The following HSPG2 variants were observed in gnomAD, a reference collection of about 807,000 sequenced individuals.
HSPG2 encodes heparan sulfate proteoglycan 2.
A neutral mutation model predicts 526.6 loss-of-function variants in HSPG2; 278 were observed. The ratio of observed to expected loss-of-function variants is 0.53; its 90% CI spans 0.48 to 0.58. The LOEUF (loss-of-function observed/expected upper bound fraction) is 0.58, where lower values mean the gene tolerates loss of function less well. Among genes scored for constraint, HSPG2 ranks in the 20% least tolerant of loss-of-function variants. The pLI is 0.00. For missense variants in HSPG2, 5,354 were observed against 6,099.5 expected (o/e 0.88, Z 4.07); for synonymous variants, 2,465 against 2,555.4 (o/e 0.96, Z 1.07).
At chr1:21,892,647 G>A (rs1182577417) in intron 3 of HSPG2, among the ~76,000 whole-genome samples, 3 of 152,172 alleles carry the variant, frequency 2.0e-5, no homozygotes, top group Admixed American at 6.5e-5. Context: ...GGCCGAGGCC[G>A]GCAGATCACT....
chr1:21,876,464 A>C (rs1367021875), intron 22 of HSPG2, 48 bp downstream of exon 22: 2 of 1,612,922 alleles, frequency 1.2e-6, no homozygotes, highest in Admixed American at 1.7e-5. Flanking sequence ...CGCTTGGTCC[A>C]TCCGGCCCAG....
chr1:21,905,021 TGA>T, intron 1 of HSPG2, among the ~76,000 whole-genome samples: 1 of 152,260 alleles, frequency 6.6e-6, no homozygotes, highest in Middle Eastern at 3.4e-3. Flanking sequence ...TATGTTGCCA[TGA>T]GACACCACTA....
Position 21,838,901 on chromosome 1 carries a change from C to T in HSPG2, c.10074G>A (p.Glu3358=). Residue 3358 remains glutamate, a synonymous_variant, in exon 74 of 97, where the codon GAG becomes GAA. Coordinates refer to ENST00000374695, the MANE Select transcript of HSPG2 (RefSeq NM_005529.7). ...CCCGGCAGCGGTAGCGGCCTGAGTC[C>T]TCAGGGGCTGCACGCTCAAAGTGCA... The part of the protein sequence containing the change: ...ELLHFERAAP[E]DSGRYRCRVT... 6.2e-7 allele frequency: 1 copy of T among 1,612,498 alleles called. No homozygotes were observed. Among genetic ancestry groups the T allele is most frequent in the Non-Finnish European group, 8.5e-7 (1 of 1,179,482 alleles).
Position 21,822,408 on chromosome 1 carries a change from A to C in HSPG2, c.*908T>G, listed in dbSNP as rs942295193. Reference sequence around the variant, plus strand: ...CTCCTGCAGATGGGGCAGGGTGGTCATATCCCCCTCCTCTCTCTCTCAGTC... The same window carrying C: ...CTCCTGCAGATGGGGCAGGGTGGTCCTATCCCCCTCCTCTCTCTCTCAGTC... On this transcript the variant is annotated 3_prime_UTR_variant, in exon 97 of 97. Coordinates refer to ENST00000374695, the MANE Select transcript of HSPG2 (RefSeq NM_005529.7). The C allele has an allele frequency of 1.5e-5, 9 of 616,864 alleles. No individual in the cohort carries two copies. The highest frequency in any genetic ancestry group is 2.6e-5 in the Non-Finnish European group (9 of 344,052). The allele number at this position is 616,864 out of a possible 1,614,324, so 38.2% of individuals were successfully genotyped here.
At chr1:21,869,622 C>T in intron 33 of HSPG2, 2 of 986,030 alleles carry the variant, frequency 2.0e-6, no homozygotes, top group Non-Finnish European at 2.4e-6. Flanking sequence ...TGGACAGGAG[C>T]TGCCAGATCT....
chr1:21,873,570 G>T, intron 29 of HSPG2, 146 bp from the exon 30 acceptor site: 1 of 831,978 alleles, frequency 1.2e-6, no homozygotes, highest in South Asian at 1.4e-5. Context: ...GGGAAACTGG[G>T]CAGAGAAGAG....
At chr1:21,830,181 G>C in intron 85 of HSPG2, 90 bp from the exon 86 acceptor site, 4 of 1,085,188 alleles carry the variant, frequency 3.7e-6, no homozygotes, top group Non-Finnish European at 5.4e-6. Flanking sequence ...TCACACCCCG[G>C]GGGGCTGGGC....
At position 21,831,807 on chromosome 1, in the gene HSPG2, G is replaced by A. The variant is rs567131782; in HGVS notation, c.11208-11C>T. ...GAGCCTGCATCGAACCTGCTCCGTGGGGCAGGCCGGGGCAGGAGAGAGTGG... is the reference window on the plus strand; with the variant it reads ...GAGCCTGCATCGAACCTGCTCCGTGAGGCAGGCCGGGGCAGGAGAGAGTGG... On this transcript the variant is annotated splice_polypyrimidine_tract_variant and intron_variant, in intron 81 of 96. Transcript: ENST00000374695. 2 of 1,588,620 alleles carry A rather than the reference G, an allele frequency of 1.3e-6. No homozygotes were observed. The highest frequency in any genetic ancestry group is 2.3e-5 in the South Asian group (2 of 87,126).
intron 48 of HSPG2, 23 bp from the exon 49 acceptor site, chr1:21,854,788 C>G: frequency 6.2e-7 from 1 of 1,613,042 alleles, no homozygotes; most frequent in Non-Finnish European, 8.5e-7. Flanking sequence ...TAGGGGTCAG[C>G]AGGCCCCAGG....
At chr1:21,884,741 C>G (rs754735678) in intron 12 of HSPG2, 26 bp downstream of exon 12, 1 of 1,612,468 alleles carries the variant, frequency 6.2e-7, no homozygotes, top group Non-Finnish European at 8.5e-7. Context: ...CCCCCACACC[C>G]GGTGACACCT....
chr1:21,854,078 G>A, intron 50 of HSPG2, 115 bp downstream of exon 50: 1 of 1,190,912 alleles, frequency 8.4e-7, no homozygotes, highest in Non-Finnish European at 1.2e-6. Flanking sequence ...AGGCGCTGAA[G>A]GGTCAAAGCC....
chr1:21,841,726 GTCTTGGTGCTGCCAGCCTGTGCCC>G, intron 69 of HSPG2, 53 bp from the exon 70 acceptor site: 3 of 1,607,498 alleles, frequency 1.9e-6, no homozygotes, highest in Non-Finnish European at 8.5e-7. Flanking sequence ...TCCTTCTCGT[GTCTTGGTGCTGCCAGCCTGTGCCC>G]CTGGGCCCAC....
In HSPG2 at chr1:21,904,493, C is replaced by T. The variant is rs745384626; in HGVS notation, c.64-8183G>A. The stretch of plus-strand genomic sequence containing the variant: ...CCGCCCCTCAGTTGTGCTGCTGACC[C>T]GGTGCTAGTCACAGAGGCCAAGTCT... On this transcript the variant is annotated intron_variant, in intron 1 of 96. Transcript: ENST00000374695. This position sits in a 1 kb window ranked among gnomAD's most constrained non-coding sequence, Gnocchi z 4.4. 5.9e-5 allele frequency among the ~76,000 whole-genome samples: 9 copies of T among 152,254 alleles called. No individual in the cohort carries two copies. The highest frequency in any genetic ancestry group is 2.1e-4 in the South Asian group (1 of 4,822).
At chr1:21,877,398 T>C (rs1641161760) in intron 21 of HSPG2, 2 of 152,842 alleles carry the variant, frequency 1.3e-5, no homozygotes, top group South Asian at 4.1e-4. Flanking sequence ...TTGCACAAAG[T>C]TACTCAGCTT....
At chr1:21,845,995 A>T in intron 64 of HSPG2, 113 bp downstream of exon 64, 1 of 1,294,484 alleles carries the variant, frequency 7.7e-7, no homozygotes, top group Non-Finnish European at 1.1e-6. Context: ...CTGGAATCAG[A>T]GCGGCAGTTC....
Position 21,851,612 on chromosome 1 carries a change from C to A in HSPG2, c.7092G>T (p.Val2364=). The change falls in exon 55 of 97, where the codon GTG becomes GTT. Residue 2364 remains valine, a synonymous_variant. Coordinates refer to ENST00000374695, the MANE Select transcript of HSPG2 (RefSeq NM_005529.7). ...TGACCTGGGCATGGGACTGCCCGGG[C>A]ACCACGCAGTTCAGATCCAGGGTCT... ...EGQTLDLNCV[V]PGQSHAQVTW... 3 of 1,613,982 alleles carry A rather than the reference C, an allele frequency of 1.9e-6. No individual in the cohort carries two copies. Among genetic ancestry groups the A allele is most frequent in the Non-Finnish European group, 2.5e-6 (3 of 1,180,034 alleles).
chr1:21,838,330 T>C (rs755299010), intron 74 of HSPG2, among the ~76,000 whole-genome samples: 1 of 152,136 alleles, frequency 6.6e-6, no homozygotes, highest in African/African-American at 2.4e-5. Context: ...ATTTGTATCA[T>C]TGATGCAGGA....
intron 85 of HSPG2, 109 bp downstream of exon 85, chr1:21,830,873 T>G (rs2098000676): frequency 1.4e-6 from 1 of 711,656 alleles, no homozygotes; most frequent in Non-Finnish European, 2.5e-6. Context: ...CAGGTGAGAG[T>G]GGGGGGTGTG....
At position 21,849,030 on chromosome 1, in the gene HSPG2, ACCTGGGAGGGT is replaced by A; in HGVS notation, c.7447-10_7447del. On this transcript the variant is annotated splice_acceptor_variant and splice_polypyrimidine_tract_variant and coding_sequence_variant and intron_variant, in exon 58 of 97. Transcript: ENST00000374695. LOFTEE classifies it high-confidence loss of function. Reference sequence around the variant, plus strand: ...GAGCAGGCGTAGCCTCGAGCCATGCACCTGGGAGGGTCAGGAGGGAGGAGGCAGGCTCAGAG... The same window carrying A: ...GAGCAGGCGTAGCCTCGAGCCATGCACAGGAGGGAGGAGGCAGGCTCAGAG... 6.2e-7 allele frequency: 1 copy of A among 1,613,774 alleles called. No individual in the cohort carries two copies. Among genetic ancestry groups the A allele is most frequent in the Non-Finnish European group, 8.5e-7 (1 of 1,179,972 alleles).
Sources: gnomAD v4.1 joint callset for allele counts (sites outside exome capture counted in the v4.1 genomes callset) on GRCh38, gnomAD v4.1.1 for gene constraint, Gnocchi (gnomAD v3.1) non-coding constraint, MANE v1.5 for transcripts, NCBI Gene and HGNC (gene_info 2026-07-23, HGNC 2026-07-21) for gene names.